Variants in EMX1 observed in about 807,000 individuals in gnomAD.
The protein encoded by EMX1 is empty spiracles homeobox 1.
In EMX1, 10 loss-of-function variants were observed where a neutral mutation model predicts 20.1. The ratio of observed to expected loss-of-function variants is 0.50; its 90% CI spans 0.31 to 0.84. The LOEUF (loss-of-function observed/expected upper bound fraction) is 0.84, where lower values mean the gene tolerates loss of function less well. Ranked by LOEUF, EMX1 falls within the 40% of genes least tolerant of loss-of-function variation. The pLI is 0.05. For synonymous variants in EMX1, 250 were observed against 200.4 expected, an observed-to-expected ratio of 1.25 and a Z score of -2.09; for missense variants, 424 against 431.9, an observed-to-expected ratio of 0.98 and a Z score of 0.16.
At chr2:72,933,723 G>A (rs564704225) in intron 2 of EMX1, 64 bp from the exon 3 acceptor site, 2 of 1,583,406 alleles carry the variant, frequency 1.3e-6, no homozygotes, top group South Asian at 2.3e-5. Flanking sequence ...GAGTGTTGAG[G>A]CCCCAGTGGC....
intron 2 of EMX1, chr2:72,926,300 C>T (rs1451054719): frequency 1.0e-6 from 1 of 984,728 alleles, no homozygotes; most frequent in Non-Finnish European, 1.2e-6. Context: ...AGTAAACGGA[C>T]TGATTGTTTC....
Position 72,926,326 on chromosome 2 carries a change from G to A in EMX1, c.705+1833G>A, listed in dbSNP as rs1004112372. 8.2e-6 allele frequency: 8 copies of A among 976,110 alleles called. No homozygotes were observed. In the African/African-American group the frequency reaches 1.4e-4, roughly 17 times the overall value. 60.5% of individuals were successfully genotyped at this position (976,110 alleles called of 1,614,324 possible). ...TGATTGTTTCTTTCATTTTTATTAT[G>A]AGACATTTCAAACATATATTTAAAA... On this transcript the variant is annotated intron_variant, in intron 2 of 2. Transcript: ENST00000258106.
In EMX1 at chr2:72,918,233, G is replaced by A. The variant is rs751312459; in HGVS notation, c.381G>A (p.Ala127=). The A allele has an allele frequency of 1.9e-6, 3 of 1,580,912 alleles. No homozygotes were observed. Among genetic ancestry groups the A allele is most frequent in the African/African-American group, 2.8e-5 (2 of 72,350 alleles). Reference sequence around the variant, plus strand: ...TCCCCGAGGCCATGAACCACCCCGCGCTGACCGTGCATCCGGCGCACCAGC... The same window carrying A: ...TCCCCGAGGCCATGAACCACCCCGCACTGACCGTGCATCCGGCGCACCAGC... ...LVFPEAMNHP[A]LTVHPAHQLG... Residue 127 remains alanine (A), a synonymous_variant, in exon 1 of 3, where the codon GCG becomes GCA. Coordinates refer to ENST00000258106, the MANE Select transcript of EMX1 (RefSeq NM_004097.3).
Position 72,918,017 on chromosome 2 carries a change from C to T in EMX1, c.165C>T (p.Thr55=), listed in dbSNP as rs1671002116. 7.0e-7 allele frequency: 1 copy of T among 1,435,210 alleles called. No homozygotes were observed. The highest frequency in any genetic ancestry group is 1.5e-5 in the African/African-American group (1 of 67,132). The allele number at this position is 1,435,210 out of a possible 1,614,324, so 88.9% of individuals were successfully genotyped here. ...IESLVAKDGG[T]GGGTGGGGAG... ...CCTTGGTGGCCAAGGACGGCGGCAC[C>T]GGCGGGGGCACTGGCGGCGGGGGCG... The change falls in exon 1 of 3, where the codon ACC becomes ACT. Residue 55 remains threonine (T), a synonymous_variant. Coordinates refer to ENST00000258106, the MANE Select transcript of EMX1 (RefSeq NM_004097.3).
intron 2 of EMX1, among the ~76,000 whole-genome samples, chr2:72,932,017 C>T (rs1484555388): frequency 6.6e-6 from 1 of 152,242 alleles, no homozygotes; most frequent in East Asian, 1.9e-4. Flanking sequence ...GGGGCCAGGC[C>T]TGCCTCTGCA....
intron 1 of EMX1, among the ~76,000 whole-genome samples, chr2:72,919,056 G>A (rs1031383794): frequency 6.6e-6 from 1 of 152,182 alleles, no homozygotes; most frequent in African/African-American, 2.4e-5. Context: ...CCGGCTGCTG[G>A]AATACCGAGG....
At chr2:72,927,827 C>A (rs888039567) in intron 2 of EMX1, among the ~76,000 whole-genome samples, 1 of 152,246 alleles carries the variant, frequency 6.6e-6, no homozygotes, top group Non-Finnish European at 1.5e-5. Context: ...GAGCACATTT[C>A]TCTTTGCCCA....
In EMX1 at chr2:72,933,925, G is replaced by A. The variant is rs1233302982; in HGVS notation, c.844G>A (p.Glu282Lys). 1.2e-6 allele frequency: 2 copies of A among 1,614,276 alleles called. No homozygotes were observed. Among genetic ancestry groups the A allele is most frequent in the Admixed American group, 3.3e-5 (2 of 60,036 alleles). The change falls in exon 3 of 3, where the codon GAG (glutamate) becomes AAG (lysine). Residue 282 changes from glutamate to lysine, a missense_variant. Glu to Lys is a moderately conservative substitution (Grantham distance 56). This residue lies in a region of EMX1 where 91 missense variants were observed against 135.2 expected (regional missense o/e 0.67). Transcript: ENST00000258106. ...CATTGCCACGAAGCAGGCCAATGGG[G>A]AGGACATCGATGTCACCTCCAATGA... ...WRIATKQANG[E>K]DIDVTSND
chr2:72,931,544 G>T (rs951251534), intron 2 of EMX1, among the ~76,000 whole-genome samples: 1 of 152,162 alleles, frequency 6.6e-6, no homozygotes. Context: ...GCTCCAGGGT[G>T]GGGGGCAGGG....
At chr2:72,926,208 G>T in intron 2 of EMX1, 1 of 985,322 alleles carries the variant, frequency 1.0e-6, no homozygotes, top group Non-Finnish European at 1.2e-6. Flanking sequence ...CAATTTTTTA[G>T]CTCAGTGAGA....
chr2:72,924,281 T>G, intron 1 of EMX1, 28 bp from the exon 2 acceptor site: 1 of 1,553,850 alleles, frequency 6.4e-7, no homozygotes, highest in South Asian at 1.2e-5. Context: ...TGTACCTGCG[T>G]GTGTTGCCGT....
chr2:72,916,351 G>A (rs937934695), upstream of EMX1: 3 of 355,040 alleles, frequency 8.4e-6, no homozygotes, highest in African/African-American at 6.5e-5. Flanking sequence ...CCGCTAGAAT[G>A]GACCCCGGCA....
rs1671329158 is a variant in EMX1 at position 72,934,181 on chromosome 2, G to C, written c.*227G>C. ...TTCTCCTCGGAGAGCCTGCCTGCCT[G>C]GGCGGGCCCGCCCGCCACCGCAGCC... On this transcript the variant is annotated 3_prime_UTR_variant, in exon 3 of 3. Transcript: ENST00000258106. 4 of 580,418 alleles carry C rather than the reference G, an allele frequency of 6.9e-6. No homozygotes were observed. In the South Asian group the frequency reaches 1.0e-4, roughly 15 times the overall value. The allele number at this position is 580,418 out of a possible 1,614,324, so 36.0% of individuals were successfully genotyped here. A position where few individuals can be genotyped will look rare whatever the true frequency, so the allele number is the denominator to read the frequency against.
Position 72,934,064 on chromosome 2 carries a change from C to T in EMX1, c.*110C>T. The T allele has an allele frequency of 6.9e-7, 1 of 1,444,654 alleles. No homozygotes were observed. The highest frequency in any genetic ancestry group is 9.3e-7 in the Non-Finnish European group (1 of 1,075,312). The allele number at this position is 1,444,654 out of a possible 1,614,324, so 89.5% of individuals were successfully genotyped here. A position where few individuals can be genotyped will look rare whatever the true frequency, so the allele number is the denominator to read the frequency against. ...CTCCCTGGCCAGGCTTTGGGGAGGC[C>T]TGGAGTCATGGCCCCACAGGGCTTG... On this transcript the variant is annotated 3_prime_UTR_variant, in exon 3 of 3. Coordinates refer to ENST00000258106, the MANE Select transcript of EMX1 (RefSeq NM_004097.3).
rs142151608 is a variant in EMX1, at chr2:72,922,834, T to C, written c.521-1475T>C. 7.1e-3 allele frequency among the ~76,000 whole-genome samples: 1,082 copies of C among 152,370 alleles called. 10 individuals carry two copies. The highest frequency in any genetic ancestry group is 0.012 in the Non-Finnish European group (827 of 68,036). ...GAGATGGGAGATGTTAACTGAATTA[T>C]CCAGGTGATTGTCTTAGAGCAAAGC... On this transcript the variant is annotated intron_variant, in intron 1 of 2. Transcript: ENST00000258106.
intron 2 of EMX1, 38 bp downstream of exon 2, chr2:72,924,531 G>C: frequency 6.6e-7 from 1 of 1,516,994 alleles, no homozygotes; most frequent in Non-Finnish European, 8.8e-7. Flanking sequence ...TGCGCCCGGA[G>C]CCCGGGTGGA....
At chr2:72,932,510 C>T (rs1042003490) in intron 2 of EMX1, among the ~76,000 whole-genome samples, 3 of 152,320 alleles carry the variant, frequency 2.0e-5, no homozygotes, top group East Asian at 1.9e-4. Flanking sequence ...TAAAGAACCA[C>T]GGAGTCAGGG....
upstream of EMX1, chr2:72,917,194 C>A: frequency 1.7e-6 from 1 of 604,412 alleles, no homozygotes; most frequent in Non-Finnish European, 3.0e-6. Context: ...CATCCCGGGA[C>A]GAATGGGAGA....
chr2:72,918,279 C>G lies in EMX1; in HGVS notation c.427C>G (p.Pro143Ala). 3.8e-6 allele frequency: 6 copies of G among 1,576,234 alleles called. No homozygotes were observed. Among genetic ancestry groups the G allele is most frequent in the Non-Finnish European group, 4.3e-6 (5 of 1,171,800 alleles). Residue 143 changes from proline to alanine, a missense_variant, in exon 1 of 3, where the codon CCC (proline) becomes GCC (alanine). Pro to Ala is a conservative substitution (Grantham distance 27). Coordinates refer to ENST00000258106, the MANE Select transcript of EMX1 (RefSeq NM_004097.3). ...AHQLGASPLQ[P>A]PHSFFGAQHR... ...CCAGCTGGGCGCCTCCCCGCTGCAG[C>G]CCCCGCACTCCTTCTTCGGCGCCCA...
Sources: allele counts gnomAD v4.1 joint callset (sites outside exome capture counted in the v4.1 genomes callset), GRCh38; gene constraint gnomAD v4.1.1; regional missense constraint gnomAD v4.1.1; transcripts MANE v1.5; gene names NCBI Gene and HGNC (gene_info 2026-07-23, HGNC 2026-07-21).